ZAN: variants seen among roughly 807,000 people sequenced by gnomAD.
ZAN encodes zonadhesin (gene/pseudogene).
In ZAN, 260 loss-of-function variants were observed where a neutral mutation model predicts 286.2. That is an observed-to-expected ratio of 0.91 (90% CI 0.82 to 1.01). The LOEUF is 1.01. Among genes scored for constraint, ZAN ranks in the 50% least tolerant of loss-of-function variants. The pLI is 0.00. For synonymous variants in ZAN, 1,368 were observed against 1,417.5 expected (o/e 0.97, Z 0.79); for missense variants, 3,410 against 3,639.2 (o/e 0.94, Z 1.62).
intron 7 of ZAN, among the ~76,000 whole-genome samples, chr7:100,745,100 T>TA (rs1808094735): frequency 6.6e-6 from 1 of 151,714 alleles, no homozygotes; most frequent in South Asian, 2.1e-4. Flanking sequence ...GCCAAGCTGG[T>TA]CTAGAACCCC....
In ZAN at chr7:100,763,810, C is replaced by A; in HGVS notation, c.3991C>A (p.Gln1331Lys). Reference sequence around the variant, plus strand: ...TTTGGGGTGGGTCTCTTGCAGGTGTCAGAAGTACCAGGTGGTGAATTCCCC... The same window carrying A: ...TTTGGGGTGGGTCTCTTGCAGGTGTAAGAAGTACCAGGTGGTGAATTCCCC... The part of the protein sequence containing the change: ...QTDQDEDQEC[Q>K]KYQVVNSPSC... Residue 1331 changes from glutamine to lysine, a missense_variant, in exon 21 of 48, where the codon CAG (glutamine) becomes AAG (lysine). This residue lies in a region of ZAN where 1,042 missense variants were observed against 1,058.0 expected (regional missense o/e 0.98). Coordinates refer to ENST00000613979, the MANE Select transcript of ZAN (RefSeq NM_003386.3). The surrounding 1 kb of genome is among the most constrained non-coding windows in gnomAD (Gnocchi z 4.6). 3 of 1,613,970 alleles carry A rather than the reference C, an allele frequency of 1.9e-6. No individual in the cohort carries two copies. The South Asian group carries it at 3.3e-5, about 18-fold the overall frequency.
chr7:100,751,691 G>T, intron 13 of ZAN, 21 bp from the exon 14 acceptor site: 1 of 1,563,058 alleles, frequency 6.4e-7, no homozygotes, highest in Non-Finnish European at 8.6e-7. Flanking sequence ...AAACTCCAGG[G>T]ATTCTTATTT....
At chr7:100,747,513 T>C in intron 8 of ZAN, 37 bp from the exon 9 acceptor site, 1 of 1,597,186 alleles carries the variant, frequency 6.3e-7, no homozygotes, top group Non-Finnish European at 8.6e-7. Flanking sequence ...CCCAGTCCCC[T>C]TAAGCTCACT....
chr7:100,768,143 C>A, intron 26 of ZAN, 132 bp downstream of exon 26: 1 of 1,216,968 alleles, frequency 8.2e-7, no homozygotes, highest in Non-Finnish European at 1.1e-6. Context: ...GGACATTAGG[C>A]ATGAAGGTAG....
Position 100,784,678 on chromosome 7 carries a change from C to T in ZAN, c.6678C>T (p.Pro2226=). Residue 2226 remains proline (P), a synonymous_variant, in exon 36 of 48, where the codon CCC becomes CCT. Transcript: ENST00000613979. ...CCAACTGCCTTCCCTCCTGCTCACC[C>T]TCCTGCTGGGACCTGGATGGCCGGT... The part of the protein sequence containing the change: ...SYTNCLPSCS[P]SCWDLDGRCE... The T allele has an allele frequency of 1.2e-6, 2 of 1,613,992 alleles. No homozygotes were observed. Among genetic ancestry groups the T allele is most frequent in the South Asian group, 1.1e-5 (1 of 91,088 alleles).
rs1241107650 is a variant in ZAN, at chr7:100,748,179, G to A, written c.1066G>A (p.Val356Met). ...GVFGKTPEPAVAVDATSIAPC... is the reference protein window; with the variant it reads ...GVFGKTPEPAMAVDATSIAPC... ...TTTTGGAAAGACCCCAGAGCCAGCT[G>A]TGGCAGTTGATGCAACCAGCATTGC... The change falls in exon 10 of 48, where the codon GTG becomes ATG. Residue 356 changes from valine (V) to methionine (M), a missense_variant. This residue lies in a region of ZAN where 872 missense variants were observed against 938.9 expected (regional missense o/e 0.93). Coordinates refer to ENST00000613979, the MANE Select transcript of ZAN (RefSeq NM_003386.3). The A allele has an allele frequency of 6.2e-7, 1 of 1,613,878 alleles. No individual in the cohort carries two copies. The highest frequency in any genetic ancestry group is 1.3e-5 in the African/African-American group (1 of 75,020).
rs544215625 is a variant in ZAN, at chr7:100,739,907, C to T, written c.766+1294C>T. On this transcript the variant is annotated intron_variant, in intron 7 of 47. Coordinates refer to ENST00000613979, the MANE Select transcript of ZAN (RefSeq NM_003386.3). ...TGCTGACCTCAGGTGATCCGGCCACCTCGGCCTCCCAAAGTGCTGGGATTA... is the reference window on the plus strand; with the variant it reads ...TGCTGACCTCAGGTGATCCGGCCACTTCGGCCTCCCAAAGTGCTGGGATTA... 5.1e-5 allele frequency among the ~76,000 whole-genome samples: 7 copies of T among 138,410 alleles called. 1 individual carries two copies. Among genetic ancestry groups the T allele is most frequent in the Non-Finnish European group, 1.1e-4 (7 of 61,944 alleles). 90.8% of individuals were successfully genotyped at this position (138,410 alleles called of 152,430 possible).
chr7:100,754,931 C>T (rs944041722), intron 14 of ZAN, among the ~76,000 whole-genome samples: 6 of 151,964 alleles, frequency 3.9e-5, no homozygotes, highest in East Asian at 1.9e-4. Flanking sequence ...CGTGAGCCAC[C>T]GTGCCTAGCC....
intron 39 of ZAN, 111 bp from the exon 40 acceptor site, chr7:100,790,831 C>A: frequency 8.0e-7 from 1 of 1,245,550 alleles, no homozygotes; most frequent in Non-Finnish European, 1.1e-6. Flanking sequence ...TGCAGTGAGC[C>A]AAGATCACAC....
intron 25 of ZAN, 96 bp downstream of exon 25, chr7:100,767,353 C>T (rs1302984404): frequency 5.3e-6 from 8 of 1,511,444 alleles, no homozygotes; most frequent in South Asian, 2.6e-5. Context: ...CTCTCTGGCT[C>T]CTTAGAGCAC....
intron 11 of ZAN, among the ~76,000 whole-genome samples, chr7:100,749,828 A>G (rs1808519427): frequency 6.6e-6 from 1 of 151,088 alleles, no homozygotes; most frequent in African/African-American, 2.4e-5. Context: ...AGACGGGTGG[A>G]TCACTTGAGG....
At chr7:100,765,128 C>A (rs1195834935) in intron 22 of ZAN, among the ~76,000 whole-genome samples, 1 of 152,210 alleles carries the variant, frequency 6.6e-6, no homozygotes, top group Non-Finnish European at 1.5e-5. Flanking sequence ...CATCTGCTCC[C>A]ACCATAGGTC....
In ZAN at chr7:100,752,937, C is replaced by T; in HGVS notation, c.2832C>T (p.Pro944=). 4 of 1,610,890 alleles carry T rather than the reference C, an allele frequency of 2.5e-6. No individual in the cohort carries two copies. The highest frequency in any genetic ancestry group is 3.4e-6 in the Non-Finnish European group (4 of 1,178,762). ...TTISTEKLTI[P]TEKPTISPEK... ...TCTCCACAGAAAAACTCACCATCCC[C>T]ACAGAAAAACCCACCATCTCCCCAG... Residue 944 remains proline, a synonymous_variant, in exon 14 of 48, where the codon CCC becomes CCT. Coordinates refer to ENST00000613979, the MANE Select transcript of ZAN (RefSeq NM_003386.3).
At chr7:100,770,072 G>A in intron 28 of ZAN, 98 bp downstream of exon 28, 2 of 1,246,928 alleles carry the variant, frequency 1.6e-6, no homozygotes, top group Non-Finnish European at 2.2e-6. Flanking sequence ...ACCAGAAACA[G>A]ATGGAAAAGC....
chr7:100,796,802 T>A (rs1209592065), intron 45 of ZAN, among the ~76,000 whole-genome samples: 1 of 152,120 alleles, frequency 6.6e-6, no homozygotes, highest in East Asian at 1.9e-4. Context: ...AGATGACACC[T>A]GGACTCTAGG....
At chr7:100,790,366 TC>T (rs975265661) in intron 39 of ZAN, among the ~76,000 whole-genome samples, 6 of 148,350 alleles carry the variant, frequency 4.0e-5, no homozygotes, top group African/African-American at 1.5e-4. Context: ...ATCGAGACCA[TC>T]CTGGCTAACA....
intron 45 of ZAN, among the ~76,000 whole-genome samples, chr7:100,796,415 A>G (rs1218949718): frequency 2.1e-5 from 3 of 145,704 alleles, no homozygotes; most frequent in Non-Finnish European, 3.0e-5. Context: ...TGGGCCCAGG[A>G]ATCTGCTTTT....
chr7:100,759,806 C>A lies in ZAN; in HGVS notation c.3657C>A (p.Pro1219=). 6.2e-7 allele frequency: 1 copy of A among 1,611,122 alleles called. No homozygotes were observed. Among genetic ancestry groups the A allele is most frequent in the East Asian group, 2.2e-5 (1 of 44,658 alleles). Reference sequence around the variant, plus strand: ...TGAGCAAAGTCTACGTGACCCTGCCCGAGAGCACCGTCACCCTGCTTAAGG... The same window carrying A: ...TGAGCAAAGTCTACGTGACCCTGCCAGAGAGCACCGTCACCCTGCTTAAGG... ...SCLSKVYVTL[P]ESTVTLLKGR... The change falls in exon 18 of 48, where the codon CCC becomes CCA. Residue 1219 remains proline, a synonymous_variant. Coordinates refer to ENST00000613979, the MANE Select transcript of ZAN (RefSeq NM_003386.3).
chr7:100,776,877 C>T (rs1387132979), intron 34 of ZAN, among the ~76,000 whole-genome samples: 16 of 146,438 alleles, frequency 1.1e-4, no homozygotes, highest in African/African-American at 3.0e-4. Flanking sequence ...GGACTACAGG[C>T]GCCCGCCACC....
Sources: gnomAD v4.1 joint callset for allele counts (sites outside exome capture counted in the v4.1 genomes callset) on GRCh38, gnomAD v4.1.1 for gene constraint, gnomAD v4.1.1 regional missense constraint, Gnocchi (gnomAD v3.1) non-coding constraint, MANE v1.5 for transcripts, NCBI Gene and HGNC (gene_info 2026-07-23, HGNC 2026-07-21) for gene names.